Variants in SAMD5 observed in about 807,000 individuals in gnomAD.
SAMD5 encodes sterile alpha motif domain containing 5, also known as sterile alpha motif domain-containing protein 5.
In SAMD5, 13 loss-of-function variants were observed where a neutral mutation model predicts 11.3. The observed-to-expected ratio is 1.15, with a 90% confidence interval of 0.75 to 1.83. SAMD5 has a LOEUF of 1.83. Among genes scored for constraint, SAMD5 ranks in the 40% most tolerant of loss-of-function variants. The probability of loss-of-function intolerance (pLI) is 0.00; values close to 1 mark genes in which losing one functional copy is unlikely to be tolerated. For missense variants in SAMD5, 255 were observed against 239.1 expected (o/e 1.07, Z -0.44); for synonymous variants, 129 against 111.3 (o/e 1.16, Z -1.00).
intron 1 of SAMD5, among the ~76,000 whole-genome samples, chr6:147,716,945 G>A (rs967531104): frequency 3.9e-5 from 6 of 152,132 alleles, no homozygotes; most frequent in Admixed American, 6.5e-5. Context: ...CTTATGACAC[G>A]TTCTTACTCA....
At chr6:147,918,153 C>T in the SAMD5 span, among the ~76,000 whole-genome samples, 3 of 152,250 alleles carry the variant, frequency 2.0e-5, no homozygotes, top group East Asian at 5.8e-4. Flanking sequence ...TTGCCTTGGA[C>T]AGTATGACCA....
intron 1 of SAMD5, among the ~76,000 whole-genome samples, chr6:147,524,570 A>T (rs1285594165): frequency 6.6e-6 from 1 of 152,156 alleles, no homozygotes; most frequent in Non-Finnish European, 1.5e-5. Flanking sequence ...TATGTTAATT[A>T]GTCACAGTTA....
the SAMD5 span, among the ~76,000 whole-genome samples, chr6:147,771,610 T>A: frequency 6.6e-6 from 1 of 152,198 alleles, no homozygotes; most frequent in African/African-American, 2.4e-5. Context: ...TGCATTGTCT[T>A]ATCTCCAGTA....
At chr6:147,853,849 G>C in the SAMD5 span, among the ~76,000 whole-genome samples, 2 of 152,004 alleles carry the variant, frequency 1.3e-5, no homozygotes, top group African/African-American at 4.8e-5. Flanking sequence ...ATCATTAATA[G>C]TCCTTACTGT....
intron 1 of SAMD5, among the ~76,000 whole-genome samples, chr6:147,736,994 A>G (rs894323092): frequency 2.6e-5 from 4 of 152,174 alleles, no homozygotes; most frequent in African/African-American, 9.7e-5. Context: ...TGTTATTAAA[A>G]AACAAAGATA....
intron 1 of SAMD5, among the ~76,000 whole-genome samples, chr6:147,731,894 T>C (rs1301809738): frequency 6.6e-6 from 1 of 152,086 alleles, no homozygotes; most frequent in African/African-American, 2.4e-5. Flanking sequence ...ACCTGTGCAC[T>C]TATAAGTAAA....
intron 1 of SAMD5, among the ~76,000 whole-genome samples, chr6:147,558,105 G>A (rs113668651): frequency 1.1e-4 from 17 of 152,310 alleles, no homozygotes; most frequent in East Asian, 1.9e-4. Context: ...TAAGCATACC[G>A]TCATGGCAAT....
chr6:147,596,782 G>A (rs1176454608), intron 1 of SAMD5, among the ~76,000 whole-genome samples: 1 of 152,104 alleles, frequency 6.6e-6, no homozygotes, highest in Non-Finnish European at 1.5e-5. Context: ...GTACACATCT[G>A]CTTCATTGGT....
In SAMD5 at chr6:147,565,429, T is replaced by C; in HGVS notation, c.*973T>C. ...AGGAATCTAGAGTTTTTCTAATTCT[T>C]ATCGTCTTATCGTTCTTGTGTTTGG... is the stretch of plus-strand genomic sequence containing the variant. On this transcript the variant is annotated 3_prime_UTR_variant, in exon 2 of 2. Coordinates refer to ENST00000367474, the MANE Select transcript of SAMD5 (RefSeq NM_001030060.3). The C allele has an allele frequency of 1.0e-6, 1 of 984,958 alleles. No homozygotes were observed. The highest frequency in any genetic ancestry group is 1.8e-5 in the African/African-American group (1 of 57,132). The allele number at this position is 984,958 out of a possible 1,614,324, so 61.0% of individuals were successfully genotyped here. A position where few individuals can be genotyped will look rare whatever the true frequency, so the allele number is the denominator to read the frequency against.
chr6:147,620,354 C>T (rs1399813140), intron 1 of SAMD5, among the ~76,000 whole-genome samples: 1 of 152,202 alleles, frequency 6.6e-6, no homozygotes, highest in Non-Finnish European at 1.5e-5. Flanking sequence ...CTTACCCAGC[C>T]AGCTTTGATC....
At chr6:147,856,827 G>C in the SAMD5 span, among the ~76,000 whole-genome samples, 33 of 147,348 alleles carry the variant, frequency 2.2e-4, no homozygotes, top group East Asian at 4.0e-4. Flanking sequence ...GGCGCGGGGG[G>C]GGGGGGAAGC....
intron 1 of SAMD5, among the ~76,000 whole-genome samples, chr6:147,663,809 AAAAGAGAG>A (rs1326633277): frequency 7.1e-6 from 1 of 139,920 alleles, no homozygotes; most frequent in Non-Finnish European, 1.6e-5. Context: ...AAAAAAAAAA[AAAAGAGAG>A]AGAAAGAAAA....
At chr6:147,544,184 G>A (rs2128442316) in intron 1 of SAMD5, among the ~76,000 whole-genome samples, 1 of 152,284 alleles carries the variant, frequency 6.6e-6, no homozygotes, top group East Asian at 1.9e-4. Flanking sequence ...ATGATCAGCT[G>A]TATGATGTTA....
intron 1 of SAMD5, among the ~76,000 whole-genome samples, chr6:147,632,215 C>T (rs1177924396): frequency 1.3e-5 from 2 of 152,152 alleles, no homozygotes; most frequent in Non-Finnish European, 2.9e-5. Context: ...TGAATGACTC[C>T]AGTTTCCTTT....
chr6:147,889,193 C>T, the SAMD5 span, among the ~76,000 whole-genome samples: 1 of 152,070 alleles, frequency 6.6e-6, no homozygotes, highest in Non-Finnish European at 1.5e-5. Context: ...CTCTTTGTTT[C>T]TTTTTGAACA....
intron 1 of SAMD5, among the ~76,000 whole-genome samples, chr6:147,717,587 T>C (rs1249808497): frequency 1.3e-5 from 2 of 152,230 alleles, no homozygotes; most frequent in Non-Finnish European, 2.9e-5. Flanking sequence ...CTTCCATCTG[T>C]GCTGGTTTGT....
At chr6:147,938,705 A>T in the SAMD5 span, among the ~76,000 whole-genome samples, 3 of 152,186 alleles carry the variant, frequency 2.0e-5, no homozygotes, top group African/African-American at 7.2e-5. Flanking sequence ...TTAGTATTAG[A>T]GTTGAGAAAT....
Position 147,566,822 on chromosome 6 carries a change from A to G in SAMD5, c.*2366A>G. ...CGAATTCCTTTGCATTAAAATCAAG[A>G]TGAGGTAAGAGGTAGAATATAAGAG... On this transcript the variant is annotated 3_prime_UTR_variant, in exon 2 of 2. Transcript: ENST00000367474. The G allele has an allele frequency of 1.0e-6, 1 of 979,814 alleles. No individual in the cohort carries two copies. The highest frequency in any genetic ancestry group is 1.2e-6 in the Non-Finnish European group (1 of 824,908). 60.7% of individuals were successfully genotyped at this position (979,814 alleles called of 1,614,324 possible).
At chr6:147,618,603 A>G (rs541182585) in intron 1 of SAMD5, among the ~76,000 whole-genome samples, 1 of 152,348 alleles carries the variant, frequency 6.6e-6, no homozygotes, top group Admixed American at 6.5e-5. Context: ...ACCTCTGTGT[A>G]ACCGTGTTGT....
Sources: allele counts gnomAD v4.1 joint callset (sites outside exome capture counted in the v4.1 genomes callset), GRCh38; gene constraint gnomAD v4.1.1; transcripts MANE v1.5; gene names NCBI Gene and HGNC (gene_info 2026-07-23, HGNC 2026-07-21).